TIAM1: variants seen among roughly 807,000 people sequenced by gnomAD.
TIAM1 encodes the protein rho guanine nucleotide exchange factor TIAM1.
TIAM1 carries 65 observed loss-of-function variants against 163.5 expected under a neutral mutation model. The ratio of observed to expected loss-of-function variants is 0.40; its 90% confidence interval spans 0.33 to 0.49. The LOEUF (loss-of-function observed/expected upper bound fraction) is 0.49, where lower values mean the gene tolerates loss of function less well. TIAM1 is among the 20% of genes least tolerant of loss of function. The pLI is 0.77. For missense variants in TIAM1, 1,789 were observed against 2,044.7 expected (o/e 0.87, Z 2.41); for synonymous variants, 833 against 810.1 (o/e 1.03, Z -0.48).
At chr21:31,296,349 G>A (rs886185501) in intron 2 of TIAM1, among the ~76,000 whole-genome samples, 1 of 152,030 alleles carries the variant, frequency 6.6e-6, no homozygotes, top group African/African-American at 2.4e-5. Context: ...AACAAAAACA[G>A]ATAATTTCAA....
At chr21:31,282,661 G>A (rs1034440256) in intron 2 of TIAM1, among the ~76,000 whole-genome samples, 6 of 152,182 alleles carry the variant, frequency 3.9e-5, no homozygotes, top group African/African-American at 1.2e-4. Context: ...TCCCACTGAC[G>A]GCCCTGGGGC....
chr21:31,390,905 G>GTA (rs2076954969), intron 2 of TIAM1, among the ~76,000 whole-genome samples: 3 of 152,142 alleles, frequency 2.0e-5, no homozygotes. Context: ...AACCAGACCA[G>GTA]TATTCAAAGA....
chr21:31,384,931 A>G (rs2076840636), intron 2 of TIAM1, among the ~76,000 whole-genome samples: 1 of 152,136 alleles, frequency 6.6e-6, no homozygotes, highest in African/African-American at 2.4e-5. Context: ...CCACACAAGC[A>G]CACACACACA....
At chr21:31,449,879 G>T (rs887140462) in intron 2 of TIAM1, among the ~76,000 whole-genome samples, 1 of 152,182 alleles carries the variant, frequency 6.6e-6, no homozygotes, top group African/African-American at 2.4e-5. Context: ...GGCAGAAAAT[G>T]TTCACACTGA....
At position 31,451,760 on chromosome 21, in the gene TIAM1, T is replaced by TGA. The variant is rs1491134348; in HGVS notation, c.-369+12221_-369+12222dup. Among the ~76,000 whole-genome samples the TGA allele has an allele frequency of 7.6e-3, 1,048 of 138,192 alleles. 22 individuals are homozygous for TGA. The highest frequency in any genetic ancestry group is 0.028 in the African/African-American group (953 of 34,276). 90.7% of individuals were successfully genotyped at this position (138,192 alleles called of 152,430 possible). Reference sequence around the variant, plus strand: ...GTGTGTGTGTGTGTGTGTGTGTGTGTGAGACACAGAGAGAGAGAGAGAGAG... The same window carrying TGA: ...GTGTGTGTGTGTGTGTGTGTGTGTGTGAGAGACACAGAGAGAGAGAGAGAGAG... On this transcript the variant is annotated intron_variant, in intron 2 of 28. Coordinates refer to the TIAM1 transcript ENST00000286827.
At chr21:31,281,670 GGACA>G (rs1298024712) in intron 2 of TIAM1, among the ~76,000 whole-genome samples, 2 of 152,110 alleles carry the variant, frequency 1.3e-5, no homozygotes, top group Non-Finnish European at 2.9e-5. Context: ...GTAGATGAAT[GGACA>G]GATAAGTGGA....
chr21:31,312,948 A>C (rs1335676372), intron 2 of TIAM1, among the ~76,000 whole-genome samples: 1 of 152,256 alleles, frequency 6.6e-6, no homozygotes, highest in Non-Finnish European at 1.5e-5. Context: ...CTTTTAACAA[A>C]GGTCAAGCCC....
At chr21:31,491,147 A>G (rs1473445660) in intron 1 of TIAM1, among the ~76,000 whole-genome samples, 4 of 129,474 alleles carry the variant, frequency 3.1e-5, no homozygotes, top group Non-Finnish European at 7.0e-5. Context: ...AAAGAACGAA[A>G]GAAAGGAAGG....
chr21:31,548,442 T>TGAACATTATTGACTATGGAC (rs2048572824), intron 1 of TIAM1, among the ~76,000 whole-genome samples: 2 of 137,314 alleles, frequency 1.5e-5, no homozygotes. Context: ...TGCCAGGCCA[T>TGAACATTATTGACTATGGAC]CTGTGTCTTT....
At chr21:31,249,308 C>G (rs2071669443) in intron 5 of TIAM1, among the ~76,000 whole-genome samples, 1 of 152,216 alleles carries the variant, frequency 6.6e-6, no homozygotes, top group Non-Finnish European at 1.5e-5. Flanking sequence ...TCAAGGAGAG[C>G]AGTCTCAGAA....
At chr21:31,418,304 T>C (rs1602230756) in intron 2 of TIAM1, among the ~76,000 whole-genome samples, 1 of 127,638 alleles carries the variant, frequency 7.8e-6, no homozygotes, top group Admixed American at 1.0e-4. Flanking sequence ...ATCACGCCAC[T>C]GCACTCCAGC....
At chr21:31,237,100 T>C (rs142397297) in intron 6 of TIAM1, among the ~76,000 whole-genome samples, 158 of 152,198 alleles carry the variant, frequency 1.0e-3, no homozygotes, top group African/African-American at 3.4e-3. Flanking sequence ...ACAAAACCGA[T>C]GGTTGAAAGC....
chr21:31,374,420 G>A (rs112950499), intron 2 of TIAM1, among the ~76,000 whole-genome samples: 65 of 152,200 alleles, frequency 4.3e-4, no homozygotes, highest in African/African-American at 1.3e-3. Context: ...TACATATACG[G>A]AATATTCTGC....
intron 19 of TIAM1, among the ~76,000 whole-genome samples, chr21:31,151,180 A>AT (rs928383770): frequency 3.5e-4 from 54 of 152,330 alleles, no homozygotes; most frequent in African/African-American, 1.3e-3. Context: ...AAAGTTAAAC[A>AT]TACCCTTACC....
intron 1 of TIAM1, among the ~76,000 whole-genome samples, chr21:31,471,032 G>A (rs551077536): frequency 2.6e-5 from 4 of 152,288 alleles, no homozygotes; most frequent in Admixed American, 2.0e-4. Flanking sequence ...AGCAGGTGTC[G>A]GATGCACAAG....
At chr21:31,322,217 T>C (rs2075339413) in intron 2 of TIAM1, among the ~76,000 whole-genome samples, 1 of 152,182 alleles carries the variant, frequency 6.6e-6, no homozygotes, top group Admixed American at 6.5e-5. Context: ...AAGAATATCA[T>C]ATGCAAAAAG....
Position 31,216,333 on chromosome 21 carries a change from G to C in TIAM1, c.2142+1220C>G, listed in dbSNP as rs149073370. ...AAGGAGAGATCATTCTATCAAGTCA[G>C]TCGATGACGTCCTCTCACTTTTCAC... On this transcript the variant is annotated intron_variant, in intron 9 of 27. Coordinates refer to ENST00000541036, the MANE Select transcript of TIAM1 (RefSeq NM_001353694.2). Among the ~76,000 whole-genome samples the C allele has an allele frequency of 8.5e-5, 13 of 152,276 alleles. No homozygotes were observed. The East Asian group carries it at 2.5e-3, about 29-fold the overall frequency.
intron 10 of TIAM1, among the ~76,000 whole-genome samples, chr21:31,210,948 ATT>A (rs11354478): frequency 4.1e-5 from 6 of 146,820 alleles, no homozygotes; most frequent in African/African-American, 1.3e-4. Context: ...AGCCCCAATC[ATT>A]TTTTTTTTTC....
chr21:31,283,731 G>C (rs566290597), intron 2 of TIAM1, among the ~76,000 whole-genome samples: 1 of 151,966 alleles, frequency 6.6e-6, no homozygotes, highest in South Asian at 2.1e-4. Flanking sequence ...TAGTAGAAAC[G>C]GAGTTTCATC....
Sources: allele counts gnomAD v4.1 joint callset (sites outside exome capture counted in the v4.1 genomes callset), GRCh38; gene constraint gnomAD v4.1.1; transcripts MANE v1.5; gene names NCBI Gene and HGNC (gene_info 2026-07-23, HGNC 2026-07-21).